The following PATL1 variants were observed in gnomAD, a reference collection of about 807,000 sequenced individuals.
PATL1 encodes PAT1 homolog 1, processing body mRNA decay factor.
Under a neutral mutation model 100.6 loss-of-function variants are expected in PATL1, and 32 were observed. The observed-to-expected ratio is 0.32, with a 90% CI of 0.24 to 0.43. PATL1 has a LOEUF of 0.43. PATL1 is among the 20% of genes least tolerant of loss of function. The pLI, the probability that PATL1 is intolerant of heterozygous loss-of-function variation, is 1.00. For synonymous variants in PATL1, 332 were observed against 330.0 expected, an observed-to-expected ratio of 1.01 and a Z score of -0.07; for missense variants, 747 against 949.9, an observed-to-expected ratio of 0.79 and a Z score of 2.81.
chr11:59,647,330 A>G (rs568217953), intron 15 of PATL1, among the ~76,000 whole-genome samples: 42 of 152,318 alleles, frequency 2.8e-4, no homozygotes, highest in African/African-American at 9.4e-4. Flanking sequence ...CAGAACAATG[A>G]ATGATACTTC....
chr11:59,641,226 G>A (rs72927430), intron 16 of PATL1, among the ~76,000 whole-genome samples: 8,193 of 152,162 alleles, frequency 0.054, 301 homozygotes, highest in Non-Finnish European at 0.078. Flanking sequence ...AGGCTGAGGT[G>A]GGAGGATCGC....
At chr11:59,652,798 G>A in intron 10 of PATL1, 40 bp downstream of exon 10, 3 of 1,594,914 alleles carry the variant, frequency 1.9e-6, no homozygotes, top group East Asian at 2.2e-5. Flanking sequence ...CAGTGTAGGG[G>A]ACCAAACTAT....
intron 13 of PATL1, among the ~76,000 whole-genome samples, chr11:59,650,505 A>G (rs1295865019): frequency 6.6e-6 from 1 of 152,230 alleles, no homozygotes; most frequent in Non-Finnish European, 1.5e-5. Context: ...TGTTAACTGA[A>G]TAAGCTTGGA....
intron 1 of PATL1, among the ~76,000 whole-genome samples, chr11:59,668,564 G>A (rs1056218818): frequency 6.6e-6 from 1 of 151,066 alleles, no homozygotes; most frequent in African/African-American, 2.4e-5. Context: ...GGGAGATGCA[G>A]TGCTCTACCC....
intron 16 of PATL1, 117 bp downstream of exon 16, chr11:59,642,761 ACT>A: frequency 9.0e-7 from 1 of 1,112,950 alleles, no homozygotes; most frequent in Non-Finnish European, 1.3e-6. Context: ...GCTTAATGTA[ACT>A]CTTGACTGAA....
intron 8 of PATL1, 148 bp from the exon 9 acceptor site, chr11:59,654,220 T>G: frequency 4.6e-6 from 3 of 652,538 alleles, no homozygotes; most frequent in Non-Finnish European, 8.0e-6. Flanking sequence ...CTCACGCCTG[T>G]AATCCTAGCA....
In PATL1 at chr11:59,666,976, G is replaced by T. The variant is rs532420347; in HGVS notation, c.16-12C>A. ...CAATCCTCCAAAGACTAAAAAAAAAGAAAAGACATTAGTTATTCATGAAAT... is the reference window on the plus strand; with the variant it reads ...CAATCCTCCAAAGACTAAAAAAAAATAAAAGACATTAGTTATTCATGAAAT... On this transcript the variant is annotated splice_polypyrimidine_tract_variant and intron_variant, in intron 1 of 18. Coordinates refer to ENST00000300146, the MANE Select transcript of PATL1 (RefSeq NM_152716.3). The T allele has an allele frequency of 6.5e-7, 1 of 1,533,094 alleles. No homozygotes were observed. Among genetic ancestry groups the T allele is most frequent in the Non-Finnish European group, 8.8e-7 (1 of 1,141,916 alleles). The allele number at this position is 1,533,094 out of a possible 1,614,324, so 95.0% of individuals were successfully genotyped here. A position where few individuals can be genotyped will look rare whatever the true frequency, so the allele number is the denominator to read the frequency against.
Position 59,654,043 on chromosome 11 carries a change from G to A in PATL1, c.1061C>T (p.Thr354Ile). The A allele has an allele frequency of 6.2e-7, 1 of 1,613,852 alleles. No homozygotes were observed. Among genetic ancestry groups the A allele is most frequent in the Non-Finnish European group, 8.5e-7 (1 of 1,179,764 alleles). ...RSQAPMFRPD[T>I]THLHPQHRRL... ...ACGGTGCTGTGGATGGAGGTGAGTT[G>A]TGTCCGGTCTAAACATTGGGGCCTG... The change falls in exon 9 of 19, where the codon ACA (threonine) becomes ATA (isoleucine). Residue 354 changes from threonine to isoleucine, a missense_variant. This residue lies in a region of PATL1 where 434 missense variants were observed against 596.1 expected (regional missense o/e 0.73). Coordinates refer to ENST00000300146, the MANE Select transcript of PATL1 (RefSeq NM_152716.3).
chr11:59,658,379 G>A (rs915854479), intron 4 of PATL1, among the ~76,000 whole-genome samples: 2 of 151,402 alleles, frequency 1.3e-5, no homozygotes, highest in African/African-American at 4.9e-5. Context: ...GTGCAGTGGC[G>A]CAATCTTGCC....
rs988270589 is a variant in PATL1 at position 59,666,930 on chromosome 11, T to A, written c.50A>T (p.Asp17Val). 19 of 1,550,278 alleles carry A rather than the reference T, an allele frequency of 1.2e-5. No homozygotes were observed. Among genetic ancestry groups the A allele is most frequent in the Non-Finnish European group, 1.7e-5 (19 of 1,146,366 alleles). ...LEDCPLDEDE[D>V]AFQGLGEEDE... ...TTCTTCTCCCAGTCCCTGAAATGCA[T>A]CTTCATCTTCATCCAGAGGACAATC... Residue 17 changes from aspartate to valine, a missense_variant, in exon 2 of 19, where the codon GAT becomes GTT. Physicochemically the swap from Asp to Val is radical, Grantham distance 152 (BLOSUM62 -3). Coordinates refer to ENST00000300146, the MANE Select transcript of PATL1 (RefSeq NM_152716.3).
chr11:59,651,478 T>C (rs2134747865), intron 12 of PATL1, 66 bp downstream of exon 12: 1 of 1,283,496 alleles, frequency 7.8e-7, no homozygotes, highest in Non-Finnish European at 1.1e-6. Flanking sequence ...TCTCATTCCA[T>C]GGTGACCCCA....
At chr11:59,651,669 C>CAACAAAAT in intron 11 of PATL1, 28 bp from the exon 12 acceptor site, 1 of 1,394,798 alleles carries the variant, frequency 7.2e-7, no homozygotes, top group East Asian at 2.3e-5. Context: ...AAAAAAATTC[C>CAACAAAAT]AACAAAATAA....
rs551752683 is a variant in PATL1 at position 59,658,759 on chromosome 11, C to G, written c.426+107G>C. Reference sequence around the variant, plus strand: ...GCTGGATGCAGTAGTCGACATAATTCTAGCAAATGAAAGACCTATAAACCC... The same window carrying G: ...GCTGGATGCAGTAGTCGACATAATTGTAGCAAATGAAAGACCTATAAACCC... On this transcript the variant is annotated intron_variant, in intron 4 of 18. Coordinates refer to ENST00000300146, the MANE Select transcript of PATL1 (RefSeq NM_152716.3). 5.0e-6 allele frequency: 4 copies of G among 796,352 alleles called. No homozygotes were observed. The South Asian group carries it at 5.4e-5, about 11-fold the overall frequency. 49.3% of individuals were successfully genotyped at this position (796,352 alleles called of 1,614,324 possible). A position where few individuals can be genotyped will look rare whatever the true frequency, so the allele number is the denominator to read the frequency against.
At chr11:59,651,751 A>G in intron 11 of PATL1, 110 bp from the exon 12 acceptor site, 2 of 703,032 alleles carry the variant, frequency 2.8e-6, no homozygotes, top group Admixed American at 2.6e-5. Flanking sequence ...TCATAGTCTA[A>G]TAACTTACTG....
rs747703894 is a variant in PATL1, at chr11:59,651,651, C to CAA, written c.1427-12_1427-11dup. 1.9e-3 allele frequency: 2,343 copies of CAA among 1,231,056 alleles called. No individual in the cohort carries two copies. The highest frequency in any genetic ancestry group is 2.8e-3 in the African/African-American group (167 of 60,610). The allele number at this position is 1,231,056 out of a possible 1,614,324, so 76.3% of individuals were successfully genotyped here. A position where few individuals can be genotyped will look rare whatever the true frequency, so the allele number is the denominator to read the frequency against. On this transcript the variant is annotated splice_polypyrimidine_tract_variant and intron_variant, in intron 11 of 18. Coordinates refer to ENST00000300146, the MANE Select transcript of PATL1 (RefSeq NM_152716.3). ...GAGCCCTCAAATTGCACTGCAAAGA[C>CAA]AAAAAAAAAAAAAATTCCAACAAAA...
chr11:59,639,621 T>C lies in PATL1; in HGVS notation c.2050-238A>G, dbSNP rs916706669. ...CGCAGCCAACAGAAACGGAAAGTCA[T>C]GGTGTCCAACACGCCTCTCTGTTCC... On this transcript the variant is annotated intron_variant, in intron 16 of 18. Transcript: ENST00000300146. 10 of 448,308 alleles carry C rather than the reference T, an allele frequency of 2.2e-5. No individual in the cohort carries two copies. In the South Asian group the frequency reaches 2.8e-4, roughly 13 times the overall value. The allele number at this position is 448,308 out of a possible 1,614,324, so 27.8% of individuals were successfully genotyped here.
At chr11:59,667,208 T>C (rs558383458) in intron 1 of PATL1, 4 of 511,816 alleles carry the variant, frequency 7.8e-6, no homozygotes, top group South Asian at 8.5e-5. Flanking sequence ...CAGCATTCCA[T>C]TTCTCTATTT....
rs1336168065 is a variant in PATL1, at chr11:59,656,530, C to T, written c.692G>A (p.Arg231Lys). ...ACTGCAGAGCTGGTTTGGAGACATC[C>T]TCTCACCATAGGGAGCAGGATAACG... ...PPRYPAPYGE[R>K]MSPNQLCSVP... The change falls in exon 6 of 19, where the codon AGG becomes AAG. Residue 231 changes from arginine (R) to lysine (K), a missense_variant. Physicochemically the swap from Arg to Lys is conservative, Grantham distance 26. Coordinates refer to ENST00000300146, the MANE Select transcript of PATL1 (RefSeq NM_152716.3). 3 of 1,613,950 alleles carry T rather than the reference C, an allele frequency of 1.9e-6. No individual in the cohort carries two copies. The highest frequency in any genetic ancestry group is 2.5e-6 in the Non-Finnish European group (3 of 1,179,880).
At chr11:59,647,222 C>CAA (rs1175300355) in intron 15 of PATL1, among the ~76,000 whole-genome samples, 2,158 of 58,608 alleles carry the variant, frequency 0.037, 100 homozygotes, top group African/African-American at 0.1. Context: ...AACTCTGTCT[C>CAA]AAAAAAAAAA....
Sources: allele counts gnomAD v4.1 joint callset (sites outside exome capture counted in the v4.1 genomes callset), GRCh38; gene constraint gnomAD v4.1.1; regional missense constraint gnomAD v4.1.1; transcripts MANE v1.5; gene names NCBI Gene and HGNC (gene_info 2026-07-23, HGNC 2026-07-21).